The following PANK2 variants were observed in gnomAD, a reference collection of about 807,000 sequenced individuals.
The protein encoded by PANK2 is pantothenate kinase 2, mitochondrial.
In PANK2, 36 loss-of-function variants were observed where a neutral mutation model predicts 43.1. That is an observed-to-expected ratio of 0.84 (90% CI 0.64 to 1.10). PANK2 has a LOEUF of 1.10. PANK2 is among the 50% of genes least tolerant of loss of function. The pLI is 0.00. For synonymous variants in PANK2, 281 were observed against 238.2 expected, an observed-to-expected ratio of 1.18 and a Z score of -1.66; for missense variants, 576 against 593.3, an observed-to-expected ratio of 0.97 and a Z score of 0.30.
intron 3 of PANK2, among the ~76,000 whole-genome samples, chr20:3,911,258 C>T (rs543789545): frequency 6.6e-6 from 1 of 152,246 alleles, no homozygotes; most frequent in African/African-American, 2.4e-5. Flanking sequence ...ATGTACTGAT[C>T]AGTAGAAAAA....
At chr20:3,907,250 C>T (rs1447591499) in intron 1 of PANK2, among the ~76,000 whole-genome samples, 4 of 151,892 alleles carry the variant, frequency 2.6e-5, no homozygotes, top group African/African-American at 9.7e-5. Flanking sequence ...TACAGGTGCA[C>T]GTCACCATGC....
chr20:3,903,229 ACTC>A (rs1381544233), intron 1 of PANK2, among the ~76,000 whole-genome samples: 7 of 143,502 alleles, frequency 4.9e-5, no homozygotes, highest in East Asian at 4.1e-4. Flanking sequence ...ATTGAAATTT[ACTC>A]CTCCTCCTGG....
At chr20:3,888,943 A>AT, upstream of PANK2, 1 of 576,056 alleles carries the variant, frequency 1.7e-6, no homozygotes, top group Non-Finnish European at 3.0e-6. Flanking sequence ...GCCGACGACC[A>AT]GCGGCCAGAC....
intron 2 of PANK2, among the ~76,000 whole-genome samples, chr20:3,909,866 A>T (rs2090441071): frequency 6.6e-6 from 1 of 152,236 alleles, no homozygotes; most frequent in African/African-American, 2.4e-5. Flanking sequence ...TGCTGGGATT[A>T]TAGGCGTGAG....
upstream of PANK2, chr20:3,888,951 GACGC>G: frequency 1.8e-5 from 11 of 611,622 alleles, no homozygotes; most frequent in South Asian, 7.3e-5. Context: ...CCAGCGGCCA[GACGC>G]TGCGGGAGCA....
At chr20:3,902,970 TAGACACACAC>T (rs2090325404) in intron 1 of PANK2, among the ~76,000 whole-genome samples, 1 of 108,032 alleles carries the variant, frequency 9.3e-6, no homozygotes, top group African/African-American at 4.4e-5. Context: ...CAGATGTGTA[TAGACACACAC>T]ACACACACAC....
intron 3 of PANK2, among the ~76,000 whole-genome samples, chr20:3,911,839 G>A (rs934780461): frequency 4.6e-5 from 7 of 151,852 alleles, no homozygotes; most frequent in Non-Finnish European, 1.0e-4. Context: ...GCGGTGAGCC[G>A]AGATCGTGCC....
chr20:3,921,333 A>T (rs2090644141), intron 6 of PANK2: 1 of 151,928 alleles, frequency 6.6e-6, no homozygotes, highest in Non-Finnish European at 1.5e-5. Context: ...CCTCACATTG[A>T]AGTCACTTTA....
rs1568589988 is a variant in PANK2 at position 3,923,669 on chromosome 20, T to C, written c.*375T>C. On this transcript the variant is annotated 3_prime_UTR_variant, in exon 7 of 7. Transcript: ENST00000610179. ...TGAACTTGCTGAATGTAAGGCAGGC[T>C]ACTATGCGTTATAATCTAATCACAA... 6.2e-6 allele frequency: 2 copies of C among 320,594 alleles called. No individual in the cohort carries two copies. The highest frequency in any genetic ancestry group is 6.8e-5 in the East Asian group (1 of 14,602). The allele number at this position is 320,594 out of a possible 1,614,324, so 19.9% of individuals were successfully genotyped here. A position where few individuals can be genotyped will look rare whatever the true frequency, so the allele number is the denominator to read the frequency against.
chr20:3,913,167 C>T (rs78744366), intron 4 of PANK2, among the ~76,000 whole-genome samples: 1,574 of 152,082 alleles, frequency 0.01, 30 homozygotes, highest in African/African-American at 0.036. Context: ...TCCATTCCCC[C>T]CACAGCCCCT....
intron 1 of PANK2, among the ~76,000 whole-genome samples, chr20:3,900,873 A>G (rs1267112444): frequency 6.6e-6 from 1 of 151,718 alleles, no homozygotes; most frequent in Non-Finnish European, 1.5e-5. Context: ...GGTTCAAGCG[A>G]TTCTCCTGTC....
intron 1 of PANK2, among the ~76,000 whole-genome samples, chr20:3,899,367 C>T (rs551358141): frequency 1.3e-5 from 2 of 151,530 alleles, no homozygotes; most frequent in African/African-American, 4.8e-5. Flanking sequence ...GACGGGGCTT[C>T]ACCATGTTAG....
At chr20:3,892,072 A>G (rs1233331525) in intron 1 of PANK2, among the ~76,000 whole-genome samples, 3 of 152,206 alleles carry the variant, frequency 2.0e-5, no homozygotes, top group African/African-American at 7.2e-5. Flanking sequence ...GCAGTGGCTC[A>G]TGCCTGTAAT....
chr20:3,888,977 G>T, upstream of PANK2: 56 of 745,374 alleles, frequency 7.5e-5, no homozygotes, highest in Admixed American at 2.4e-4. Context: ...TGCTGGGCTG[G>T]AGGAGGGCTC....
At chr20:3,896,256 T>C (rs1288606473) in intron 1 of PANK2, among the ~76,000 whole-genome samples, 2 of 150,498 alleles carry the variant, frequency 1.3e-5, no homozygotes, top group Non-Finnish European at 3.0e-5. Context: ...TTTTTTGTAT[T>C]TTTAGTAGAG....
At chr20:3,894,131 A>G (rs751025574) in intron 1 of PANK2, among the ~76,000 whole-genome samples, 6 of 151,932 alleles carry the variant, frequency 3.9e-5, no homozygotes, top group Non-Finnish European at 7.4e-5. Context: ...GGATTTCACC[A>G]TGTTGGTCAG....
rs2090689874 is a variant in PANK2 at position 3,924,286 on chromosome 20, A to G, written c.*992A>G. Reference sequence around the variant, plus strand: ...CCCAAGGAGAGAATGCACCTTTTATATCTGAGGTCTTAAGTGGTGCCCATA... The same window carrying G: ...CCCAAGGAGAGAATGCACCTTTTATGTCTGAGGTCTTAAGTGGTGCCCATA... On this transcript the variant is annotated 3_prime_UTR_variant, in exon 7 of 7. Coordinates refer to ENST00000610179, the MANE Select transcript of PANK2 (RefSeq NM_001386393.1). 1 of 152,236 alleles carries G rather than the reference A, an allele frequency of 6.6e-6. No homozygotes were observed. The allele number at this position is 152,236 out of a possible 1,614,324, so 9.4% of individuals were successfully genotyped here.
At chr20:3,899,458 A>G (rs998794497) in intron 1 of PANK2, among the ~76,000 whole-genome samples, 1 of 150,652 alleles carries the variant, frequency 6.6e-6, no homozygotes, top group African/African-American at 2.4e-5. Flanking sequence ...GATGTGAGCC[A>G]TTACATCCGG....
chr20:3,912,217 A>G (rs1470256921), intron 3 of PANK2, among the ~76,000 whole-genome samples: 1 of 152,170 alleles, frequency 6.6e-6, no homozygotes, highest in Non-Finnish European at 1.5e-5. Context: ...TACTTGGCAG[A>G]CAGCCAGACT....
Sources: allele counts gnomAD v4.1 joint callset (sites outside exome capture counted in the v4.1 genomes callset), GRCh38; gene constraint gnomAD v4.1.1; transcripts MANE v1.5; gene names NCBI Gene and HGNC (gene_info 2026-07-23, HGNC 2026-07-21).